ST8SIA6: variants seen among roughly 807,000 people sequenced by gnomAD.
The protein encoded by ST8SIA6 is alpha-2,8-sialyltransferase 8F.
A neutral mutation model predicts 33.6 loss-of-function variants in ST8SIA6; 39 were observed. The observed-to-expected ratio is 1.16, with a 90% confidence interval of 0.90 to 1.52. The LOEUF is 1.52. Among genes scored for constraint, ST8SIA6 ranks in the 40% most tolerant of loss-of-function variants. The pLI, the probability that ST8SIA6 is intolerant of heterozygous loss-of-function variation, is 0.00. For synonymous variants in ST8SIA6, 172 were observed against 167.2 expected, an observed-to-expected ratio of 1.03 and a Z score of -0.22; for missense variants, 441 against 443.8, an observed-to-expected ratio of 0.99 and a Z score of 0.06.
At chr10:17,341,901 A>C (rs1391303839) in intron 4 of ST8SIA6, among the ~76,000 whole-genome samples, 21 of 17,384 alleles carry the variant, frequency 1.2e-3, no homozygotes, top group Admixed American at 5.3e-3. Context: ...GCTCCATCTC[A>C]AAAAAAAAAA....
chr10:17,325,085 ATAC>A (rs1848083405), intron 6 of ST8SIA6, among the ~76,000 whole-genome samples: 1 of 141,562 alleles, frequency 7.1e-6, no homozygotes, highest in Non-Finnish European at 1.5e-5. Flanking sequence ...ATTACATATA[ATAC>A]TGTTATATAA....
chr10:17,350,069 G>C (rs960469115), intron 4 of ST8SIA6, among the ~76,000 whole-genome samples: 2 of 152,146 alleles, frequency 1.3e-5, no homozygotes, highest in African/African-American at 4.8e-5. Flanking sequence ...CTTGAGGAAG[G>C]GATAACTGGT....
In ST8SIA6 at chr10:17,318,632, C is replaced by T; in HGVS notation, c.*2246G>A. The stretch of plus-strand genomic sequence containing the variant: ...TAGATCTAACAATATTTAAGCAATG[C>T]TGATTACATACAGATTTCTTGGGAG... On this transcript the variant is annotated 3_prime_UTR_variant, in exon 8 of 8. Coordinates refer to ENST00000377602, the MANE Select transcript of ST8SIA6 (RefSeq NM_001004470.3). The T allele has an allele frequency of 2.1e-6, 1 of 468,058 alleles. No individual in the cohort carries two copies. Among genetic ancestry groups the T allele is most frequent in the Non-Finnish European group, 4.4e-6 (1 of 226,154 alleles). 29.0% of individuals were successfully genotyped at this position (468,058 alleles called of 1,614,324 possible). A position where few individuals can be genotyped will look rare whatever the true frequency, so the allele number is the denominator to read the frequency against.
At chr10:17,354,665 A>T (rs539571211) in intron 4 of ST8SIA6, among the ~76,000 whole-genome samples, 1 of 152,150 alleles carries the variant, frequency 6.6e-6, no homozygotes, top group Non-Finnish European at 1.5e-5. Flanking sequence ...AGCCAGACTC[A>T]CACCTATGCT....
At chr10:17,358,289 C>G (rs1465659505) in intron 4 of ST8SIA6, among the ~76,000 whole-genome samples, 1 of 152,058 alleles carries the variant, frequency 6.6e-6, no homozygotes, top group Non-Finnish European at 1.5e-5. Context: ...TCCAATCATA[C>G]CAGCATATTC....
At chr10:17,349,677 C>T (rs1848966897) in intron 4 of ST8SIA6, among the ~76,000 whole-genome samples, 1 of 151,940 alleles carries the variant, frequency 6.6e-6, no homozygotes, top group South Asian at 2.1e-4. Flanking sequence ...ACAGGGGAGA[C>T]CAAATTTAAA....
At chr10:17,370,260 G>A (rs2131631041) in intron 3 of ST8SIA6, among the ~76,000 whole-genome samples, 1 of 152,308 alleles carries the variant, frequency 6.6e-6, no homozygotes, top group East Asian at 1.9e-4. Context: ...TGGGATTGCA[G>A]GCGTGAGCCA....
At chr10:17,346,731 G>T (rs1440949703) in intron 4 of ST8SIA6, among the ~76,000 whole-genome samples, 2 of 152,180 alleles carry the variant, frequency 1.3e-5, no homozygotes, top group African/African-American at 4.8e-5. Context: ...TAACCAACAT[G>T]CCAGTTAAGA....
chr10:17,421,191 G>A (rs556884119), intron 2 of ST8SIA6, among the ~76,000 whole-genome samples: 13 of 152,256 alleles, frequency 8.5e-5, no homozygotes, highest in African/African-American at 3.1e-4. Flanking sequence ...CCTTACCTGG[G>A]GTAGAACACA....
intron 4 of ST8SIA6, among the ~76,000 whole-genome samples, chr10:17,338,031 C>CTTTT (rs71393003): frequency 3.8e-5 from 5 of 131,464 alleles, no homozygotes; most frequent in South Asian, 2.5e-4. Flanking sequence ...AAATACTATT[C>CTTTT]TTTTTTTTTT....
chr10:17,394,180 C>T (rs150829268), intron 2 of ST8SIA6, among the ~76,000 whole-genome samples: 80 of 151,780 alleles, frequency 5.3e-4, no homozygotes, highest in African/African-American at 1.8e-3. Context: ...GGTTTAGTTG[C>T]GCAAACTAAA....
chr10:17,330,190 A>G (rs77759374), intron 5 of ST8SIA6, among the ~76,000 whole-genome samples: 3,932 of 152,304 alleles, frequency 0.026, 69 homozygotes, highest in African/African-American at 0.047. Flanking sequence ...GTTCCCAGTT[A>G]CATACATAAT....
intron 2 of ST8SIA6, among the ~76,000 whole-genome samples, chr10:17,395,173 T>C (rs1168041272): frequency 6.6e-6 from 1 of 152,194 alleles, no homozygotes; most frequent in East Asian, 1.9e-4. Flanking sequence ...CTCTCTCTTG[T>C]CTACCACCAA....
intron 4 of ST8SIA6, among the ~76,000 whole-genome samples, chr10:17,352,278 C>T (rs945521748): frequency 4.6e-5 from 7 of 152,140 alleles, no homozygotes; most frequent in South Asian, 4.2e-4. Flanking sequence ...ACAGCTAATG[C>T]GTACATTGAT....
At chr10:17,363,655 G>T (rs1849467772) in intron 3 of ST8SIA6, among the ~76,000 whole-genome samples, 1 of 152,132 alleles carries the variant, frequency 6.6e-6, no homozygotes, top group Admixed American at 6.5e-5. Context: ...GGAGCTGACC[G>T]CTAAGCTTTC....
At chr10:17,444,137 T>G (rs1406752337) in intron 2 of ST8SIA6, among the ~76,000 whole-genome samples, 1 of 152,044 alleles carries the variant, frequency 6.6e-6, no homozygotes, top group Non-Finnish European at 1.5e-5. Context: ...GGCAGTCAGG[T>G]TTTTTTTCTT....
chr10:17,321,690 G>A (rs1422595368), intron 7 of ST8SIA6, among the ~76,000 whole-genome samples: 1 of 152,074 alleles, frequency 6.6e-6, no homozygotes, highest in Non-Finnish European at 1.5e-5. Flanking sequence ...AATGTATAAT[G>A]ATAAAATATT....
chr10:17,443,316 A>T (rs1362102867), intron 2 of ST8SIA6, among the ~76,000 whole-genome samples: 1 of 152,216 alleles, frequency 6.6e-6, no homozygotes, highest in Admixed American at 6.5e-5. Context: ...TCAAAAAAAG[A>T]ATATATGGAA....
At chr10:17,351,787 A>T (rs975492) in intron 4 of ST8SIA6, among the ~76,000 whole-genome samples, 2 of 152,016 alleles carry the variant, frequency 1.3e-5, no homozygotes, top group African/African-American at 2.4e-5. Flanking sequence ...TGCTAAGTGA[A>T]CTAAGCTAGG....
Sources: gnomAD v4.1 joint callset for allele counts (sites outside exome capture counted in the v4.1 genomes callset) on GRCh38, gnomAD v4.1.1 for gene constraint, MANE v1.5 for transcripts, NCBI Gene and HGNC (gene_info 2026-07-23, HGNC 2026-07-21) for gene names.